Variants in ARHGEF5 observed in about 807,000 individuals in gnomAD.
ARHGEF5 encodes the protein Rho guanine nucleotide exchange factor (GEF) 5.
ARHGEF5 carries 11 observed loss-of-function variants against 104.0 expected under a neutral mutation model. The observed-to-expected ratio is 0.11, with a 90% CI of 0.07 to 0.18. The LOEUF (loss-of-function observed/expected upper bound fraction) is 0.18. Among genes scored for constraint, ARHGEF5 ranks in the 10% least tolerant of loss-of-function variants. ARHGEF5 has a pLI of 1.00. For synonymous variants in ARHGEF5, 60 were observed against 512.2 expected (o/e 0.12, Z 11.92); for missense variants, 165 against 1,335.4 (o/e 0.12, Z 13.66).
At chr7:144,375,906 A>G (rs892431417) in intron 12 of ARHGEF5, among the ~76,000 whole-genome samples, 2 of 152,420 alleles carry the variant, frequency 1.3e-5, no homozygotes, top group Non-Finnish European at 2.9e-5. Context: ...CATCTATTTT[A>G]TACTCTTTAC....
chr7:144,359,693 TG>T (rs1563114185), intron 1 of ARHGEF5, among the ~76,000 whole-genome samples: 1 of 68,410 alleles, frequency 1.5e-5, no homozygotes, highest in African/African-American at 5.4e-5. Flanking sequence ...AGGGGGGGGA[TG>T]GGGGCAGGGA....
chr7:144,374,206 A>G (rs1336935087), intron 10 of ARHGEF5, among the ~76,000 whole-genome samples: 1 of 84,748 alleles, frequency 1.2e-5, no homozygotes, highest in African/African-American at 4.4e-5. Flanking sequence ...CATACTAAGC[A>G]TAGACCACAC....
chr7:144,357,179 T>C (rs2053601593), intron 1 of ARHGEF5, among the ~76,000 whole-genome samples: 1 of 136,144 alleles, frequency 7.3e-6, no homozygotes, highest in South Asian at 2.6e-4. Context: ...TCAAGGTCTG[T>C]GTTAATACAC....
intron 14 of ARHGEF5, among the ~76,000 whole-genome samples, chr7:144,379,592 T>G (rs1481485117): frequency 6.6e-6 from 1 of 152,200 alleles, no homozygotes; most frequent in African/African-American, 2.4e-5. Flanking sequence ...TTAACTTTAT[T>G]AATTATATTT....
chr7:144,377,333 A>G, intron 13 of ARHGEF5, 143 bp downstream of exon 13: 4 of 1,470,082 alleles, frequency 2.7e-6, no homozygotes, highest in Non-Finnish European at 3.6e-6. Context: ...ATTGGCCTCT[A>G]GAGCTTAAAA....
chr7:144,380,012 C>A lies in ARHGEF5; in HGVS notation c.4750C>A (p.Arg1584=). The A allele has an allele frequency of 1.2e-6, 2 of 1,614,178 alleles. No individual in the cohort carries two copies. Among genetic ancestry groups the A allele is most frequent in the Non-Finnish European group, 1.7e-6 (2 of 1,180,040 alleles). ...VRAQNLKEAH[R]VKTAKLQLVE... ...TGCACAGAACCTGAAGGAAGCTCAT[C>A]GAGTCAAGACTGCCAAACTACAGCT... The change falls in exon 15 of 15, where the codon CGA becomes AGA. Residue 1584 remains arginine, a synonymous_variant. Transcript: ENST00000056217.
In ARHGEF5 at chr7:144,380,322, AAC is replaced by A; in HGVS notation, c.*267_*268del. 2.6e-6 allele frequency: 1 copy of A among 391,172 alleles called. No individual in the cohort carries two copies. The highest frequency in any genetic ancestry group is 7.3e-4 in the Middle Eastern group (1 of 1,370). 24.2% of individuals were successfully genotyped at this position (391,172 alleles called of 1,614,324 possible). The stretch of plus-strand genomic sequence containing the variant: ...GGGACCATTGGGGCCTGAGCCAAGG[AAC>A]TTTCCTTCTACTGCCTTATAGTGCT... On this transcript the variant is annotated 3_prime_UTR_variant, in exon 15 of 15. Transcript: ENST00000056217.
intron 1 of ARHGEF5, among the ~76,000 whole-genome samples, chr7:144,357,710 C>T (rs1407957842): frequency 2.0e-5 from 3 of 151,788 alleles, no homozygotes; most frequent in African/African-American, 7.2e-5. Context: ...TAGAAATAGA[C>T]AAGAGCTAAG....
intron 14 of ARHGEF5, among the ~76,000 whole-genome samples, chr7:144,379,130 G>T (rs550844375): frequency 4.4e-4 from 67 of 152,312 alleles, no homozygotes; most frequent in African/African-American, 1.5e-3. Context: ...GCTTGTGGCA[G>T]CATCCCTCCA....
intron 13 of ARHGEF5, among the ~76,000 whole-genome samples, chr7:144,377,492 T>C (rs147927791): frequency 8.5e-5 from 13 of 152,250 alleles, no homozygotes; most frequent in Non-Finnish European, 1.8e-4. Flanking sequence ...TTTACCTGCT[T>C]GAAGGTCTTG....
chr7:144,359,516 G>GA (rs1293056388), intron 1 of ARHGEF5, among the ~76,000 whole-genome samples: 7 of 137,514 alleles, frequency 5.1e-5, no homozygotes, highest in African/African-American at 1.1e-4. Flanking sequence ...ATCTAGCCTG[G>GA]AAAATAGACA....
At chr7:144,378,025 G>A (rs957718902) in intron 13 of ARHGEF5, among the ~76,000 whole-genome samples, 2 of 152,162 alleles carry the variant, frequency 1.3e-5, no homozygotes, top group African/African-American at 4.8e-5. Flanking sequence ...AATCAAGGCA[G>A]TGTAGTAACA....
chr7:144,379,800 C>A, intron 14 of ARHGEF5, 99 bp from the exon 15 acceptor site: 1 of 1,494,500 alleles, frequency 6.7e-7, no homozygotes, highest in South Asian at 1.2e-5. Flanking sequence ...CCCCAGTTCA[C>A]TCAGCCTGAG....
intron 14 of ARHGEF5, among the ~76,000 whole-genome samples, chr7:144,379,141 A>G (rs1301569858): frequency 1.3e-5 from 2 of 151,846 alleles, no homozygotes; most frequent in Non-Finnish European, 2.9e-5. Flanking sequence ...CATCCCTCCA[A>G]TCTCTGCCTC....
chr7:144,361,091 G>T (rs1322293408), intron 1 of ARHGEF5, among the ~76,000 whole-genome samples: 1 of 143,084 alleles, frequency 7.0e-6, no homozygotes, highest in South Asian at 2.2e-4. Flanking sequence ...AGCTGGGTGT[G>T]GTGGCACACA....
chr7:144,373,260 C>G lies in ARHGEF5; in HGVS notation c.4116C>G (p.Ser1372Arg). 4.8e-6 allele frequency: 7 copies of G among 1,451,930 alleles called. 2 individuals are homozygous for G. The highest frequency in any genetic ancestry group is 6.6e-6 in the Non-Finnish European group (7 of 1,065,926). 89.9% of individuals were successfully genotyped at this position (1,451,930 alleles called of 1,614,324 possible). A position where few individuals can be genotyped will look rare whatever the true frequency, so the allele number is the denominator to read the frequency against. The change falls in exon 10 of 15, where the codon AGC (serine) becomes AGG (arginine). Residue 1372 changes from serine to arginine, a missense_variant. By Grantham distance (110) the Ser-to-Arg change is moderately radical. Coordinates refer to ENST00000056217, the MANE Select transcript of ARHGEF5 (RefSeq NM_005435.4). Reference protein sequence around the residue: ...MRRTEELIYLSQKIEFECKIF... With the variant: ...MRRTEELIYLRQKIEFECKIF... ...GGACAGAGGAACTAATCTACCTGAGCCAGAAGATTGAGTTTGAGTGCAAAG... is the reference window on the plus strand; with the variant it reads ...GGACAGAGGAACTAATCTACCTGAGGCAGAAGATTGAGTTTGAGTGCAAAG...
chr7:144,360,829 T>TACAC (rs1356284930), intron 1 of ARHGEF5, among the ~76,000 whole-genome samples: 1 of 141,692 alleles, frequency 7.1e-6, no homozygotes, highest in African/African-American at 2.6e-5. Context: ...TAACTCAAAA[T>TACAC]ACACACATCA....
chr7:144,375,824 A>C (rs2053758631), intron 12 of ARHGEF5, 149 bp downstream of exon 12: 1 of 1,327,772 alleles, frequency 7.5e-7, no homozygotes, highest in African/African-American at 1.5e-5. Flanking sequence ...AGAAATTCAG[A>C]CTCCTAAAAC....
chr7:144,360,967 C>T (rs560843884), intron 1 of ARHGEF5, among the ~76,000 whole-genome samples: 106 of 146,006 alleles, frequency 7.3e-4, no homozygotes, highest in African/African-American at 2.3e-3. Context: ...TGGTGGCTTA[C>T]GCCTATAATC....
Sources: gnomAD v4.1 joint callset for allele counts (sites outside exome capture counted in the v4.1 genomes callset) on GRCh38, gnomAD v4.1.1 for gene constraint, MANE v1.5 for transcripts, NCBI Gene and HGNC (gene_info 2026-07-23, HGNC 2026-07-21) for gene names.